Variants in NRXN3 observed in about 807,000 individuals in gnomAD.
NRXN3 encodes the protein neurexin III.
In NRXN3, 32 loss-of-function variants were observed where a neutral mutation model predicts 137.6. The observed-to-expected ratio is 0.23, with a 90% CI of 0.18 to 0.31. The LOEUF is 0.31. Ranked by LOEUF, NRXN3 falls within the 10% of genes least tolerant of loss-of-function variation. The pLI, the probability that NRXN3 is intolerant of heterozygous loss-of-function variation, is 1.00. For synonymous variants in NRXN3, 798 were observed against 784.5 expected, an observed-to-expected ratio of 1.02 and a Z score of -0.29; for missense variants, 1,574 against 2,062.5, an observed-to-expected ratio of 0.76 and a Z score of 4.59.
intron 15 of NRXN3, among the ~76,000 whole-genome samples, chr14:79,019,318 C>T (rs2099584861): frequency 6.6e-6 from 1 of 152,182 alleles, no homozygotes; most frequent in African/African-American, 2.4e-5. Flanking sequence ...TTATTATTTG[C>T]ATATATCTTA....
At chr14:78,873,770 G>A (rs1178185802) in intron 10 of NRXN3, among the ~76,000 whole-genome samples, 1 of 152,128 alleles carries the variant, frequency 6.6e-6, no homozygotes, top group Non-Finnish European at 1.5e-5. Flanking sequence ...CTTATTGGAA[G>A]TACAGATTCT....
At chr14:79,521,307 A>G (rs1479984003) in intron 16 of NRXN3, among the ~76,000 whole-genome samples, 4 of 151,440 alleles carry the variant, frequency 2.6e-5, no homozygotes, top group African/African-American at 9.8e-5. Context: ...AAGAGTTTGC[A>G]TTTTCTCCCT....
At chr14:78,609,784 G>A (rs1041021572) in intron 4 of NRXN3, among the ~76,000 whole-genome samples, 2 of 152,268 alleles carry the variant, frequency 1.3e-5, no homozygotes, top group South Asian at 4.2e-4. Flanking sequence ...GCAAAAGTAT[G>A]CTTGTAGTGG....
At chr14:79,120,660 T>A (rs927664625) in intron 15 of NRXN3, among the ~76,000 whole-genome samples, 3 of 152,114 alleles carry the variant, frequency 2.0e-5, no homozygotes, top group Non-Finnish European at 4.4e-5. Flanking sequence ...CTCCTCACTA[T>A]CCTTTTTAAA....
chr14:79,415,758 T>A (rs2095488258), intron 15 of NRXN3, among the ~76,000 whole-genome samples: 2 of 152,260 alleles, frequency 1.3e-5, no homozygotes. Context: ...TCTTAACTGA[T>A]GTATCCTGTT....
At chr14:78,954,268 C>T (rs545161764) in intron 10 of NRXN3, among the ~76,000 whole-genome samples, 2 of 152,260 alleles carry the variant, frequency 1.3e-5, no homozygotes, top group East Asian at 3.9e-4. Flanking sequence ...ATTGACTCTC[C>T]ACTTCTGGAG....
At chr14:79,187,791 T>C (rs559386724) in intron 15 of NRXN3, among the ~76,000 whole-genome samples, 1 of 152,358 alleles carries the variant, frequency 6.6e-6, no homozygotes, top group South Asian at 2.1e-4. Flanking sequence ...CAATGGACTT[T>C]TCTTGGATGA....
chr14:79,038,333 G>C (rs2099619608), intron 15 of NRXN3, among the ~76,000 whole-genome samples: 2 of 152,028 alleles, frequency 1.3e-5, no homozygotes, highest in Non-Finnish European at 2.9e-5. Context: ...AAATTTAGTA[G>C]CCTTACCCTT....
In NRXN3 at chr14:78,225,055, C is replaced by T. The variant is rs182278166; in HGVS notation, c.-703-17336C>T. On this transcript the variant is annotated intron_variant, in intron 1 of 20. Coordinates refer to ENST00000335750, the MANE Select transcript of NRXN3 (RefSeq NM_001330195.2). Reference sequence around the variant, plus strand: ...TGCTGGGATTACAGGCGTGAGCCACCGCACCCGGCCGCATGTGTCTTTATA... The same window carrying T: ...TGCTGGGATTACAGGCGTGAGCCACTGCACCCGGCCGCATGTGTCTTTATA... Among the ~76,000 whole-genome samples the T allele has an allele frequency of 1.9e-3, 290 of 152,212 alleles. 2 individuals are homozygous for T. The highest frequency in any genetic ancestry group is 5.9e-3 in the African/African-American group (244 of 41,554).
At chr14:79,245,306 G>C (rs1443722571) in intron 15 of NRXN3, among the ~76,000 whole-genome samples, 1 of 152,052 alleles carries the variant, frequency 6.6e-6, no homozygotes, top group Non-Finnish European at 1.5e-5. Context: ...TATGCACCAT[G>C]CTTTGCATAC....
At chr14:79,152,491 G>A (rs1295071109) in intron 15 of NRXN3, among the ~76,000 whole-genome samples, 1 of 151,934 alleles carries the variant, frequency 6.6e-6, no homozygotes, top group African/African-American at 2.4e-5. Context: ...TGCTAATAAA[G>A]ACATATCCAA....
intron 4 of NRXN3, among the ~76,000 whole-genome samples, chr14:78,559,028 C>A (rs751314990): frequency 9.2e-5 from 14 of 152,158 alleles, no homozygotes; most frequent in Non-Finnish European, 2.1e-4. Context: ...GTATTTTCTC[C>A]TTTTGACCTT....
chr14:78,596,477 T>C (rs1601062370), intron 4 of NRXN3, among the ~76,000 whole-genome samples: 1 of 152,310 alleles, frequency 6.6e-6, no homozygotes, highest in African/African-American at 2.4e-5. Flanking sequence ...ACCTCTCAGG[T>C]TTGCTGTGAG....
At chr14:79,063,439 A>G (rs1182921897) in intron 15 of NRXN3, among the ~76,000 whole-genome samples, 1 of 152,098 alleles carries the variant, frequency 6.6e-6, no homozygotes, top group Non-Finnish European at 1.5e-5. Context: ...GCATACCACC[A>G]TGCCCGGCTA....
intron 15 of NRXN3, among the ~76,000 whole-genome samples, chr14:79,120,114 T>G (rs2055149570): frequency 6.6e-6 from 1 of 152,160 alleles, no homozygotes; most frequent in African/African-American, 2.4e-5. Context: ...TATTTAGTGT[T>G]CAAATTATTA....
intron 15 of NRXN3, among the ~76,000 whole-genome samples, chr14:79,306,530 T>G (rs1050311935): frequency 2.6e-5 from 4 of 152,148 alleles, no homozygotes; most frequent in African/African-American, 9.6e-5. Context: ...ATAGTTATTT[T>G]AATACAAGGC....
At chr14:78,484,698 GCTATGGT>G (rs943837661) in intron 4 of NRXN3, among the ~76,000 whole-genome samples, 3 of 152,278 alleles carry the variant, frequency 2.0e-5, no homozygotes, top group Admixed American at 2.0e-4. Flanking sequence ...TTTAGCCACA[GCTATGGT>G]TTAGTAAGCA....
At chr14:79,838,246 C>G (rs2099348462) in intron 20 of NRXN3, among the ~76,000 whole-genome samples, 1 of 152,056 alleles carries the variant, frequency 6.6e-6, no homozygotes, top group Admixed American at 6.6e-5. Context: ...TATTTTTTGG[C>G]TAACAGCATT....
intron 10 of NRXN3, among the ~76,000 whole-genome samples, chr14:78,864,871 G>A (rs1349052092): frequency 6.6e-6 from 1 of 152,170 alleles, no homozygotes; most frequent in Non-Finnish European, 1.5e-5. Flanking sequence ...TGTGTGTTCA[G>A]CTGCTTTCCT....
Sources: allele counts gnomAD v4.1 joint callset (sites outside exome capture counted in the v4.1 genomes callset), GRCh38; gene constraint gnomAD v4.1.1; transcripts MANE v1.5; gene names NCBI Gene and HGNC (gene_info 2026-07-23, HGNC 2026-07-21).